The following DLG2 variants were observed in gnomAD, a reference collection of about 807,000 sequenced individuals.
DLG2 encodes discs large MAGUK scaffold protein 2.
Under a neutral mutation model 132.5 loss-of-function variants are expected in DLG2, and 45 were observed. The ratio of observed to expected loss-of-function variants is 0.34; its 90% CI spans 0.27 to 0.44. DLG2 has a LOEUF of 0.44. DLG2 is among the 20% of genes least tolerant of loss of function. DLG2 has a pLI of 1.00. For missense variants in DLG2, 1,045 were observed against 1,196.9 expected, an observed-to-expected ratio of 0.87 and a Z score of 1.87; for synonymous variants, 424 against 419.6, an observed-to-expected ratio of 1.01 and a Z score of -0.13.
chr11:83,663,845 T>C (rs999084854), intron 18 of DLG2, among the ~76,000 whole-genome samples: 3 of 152,188 alleles, frequency 2.0e-5, no homozygotes, highest in South Asian at 2.1e-4. Context: ...CCGAGGCAGA[T>C]AGAAATAAGA....
At chr11:85,183,880 G>A (rs1217816632) in intron 4 of DLG2, among the ~76,000 whole-genome samples, 1 of 151,904 alleles carries the variant, frequency 6.6e-6, no homozygotes, top group African/African-American at 2.4e-5. Flanking sequence ...AAAAAAGGAG[G>A]AGGCAATTAA....
At chr11:83,892,868 G>A (rs977500353) in intron 15 of DLG2, among the ~76,000 whole-genome samples, 1 of 151,972 alleles carries the variant, frequency 6.6e-6, no homozygotes, top group East Asian at 1.9e-4. Flanking sequence ...GTATGACAAA[G>A]GAAAAAATAA....
intron 15 of DLG2, among the ~76,000 whole-genome samples, chr11:83,890,549 C>T (rs986501172): frequency 6.6e-6 from 1 of 152,148 alleles, no homozygotes; most frequent in African/African-American, 2.4e-5. Flanking sequence ...AACCAATGGA[C>T]TTGGGTTAAG....
intron 6 of DLG2, among the ~76,000 whole-genome samples, chr11:84,810,436 G>C (rs1158765726): frequency 6.6e-6 from 1 of 152,094 alleles, no homozygotes; most frequent in Non-Finnish European, 1.5e-5. Flanking sequence ...TAAAATCACA[G>C]TGAGACATCA....
intron 4 of DLG2, among the ~76,000 whole-genome samples, chr11:85,274,564 A>G (rs559826292): frequency 2.9e-4 from 44 of 152,170 alleles, no homozygotes; most frequent in Non-Finnish European, 5.3e-4. Flanking sequence ...TACACACTGT[A>G]GGGTCTCAGA....
At chr11:84,568,788 A>G (rs1403697476) in intron 6 of DLG2, among the ~76,000 whole-genome samples, 1 of 152,222 alleles carries the variant, frequency 6.6e-6, no homozygotes, top group South Asian at 2.1e-4. Flanking sequence ...TGCAATTCAA[A>G]GAAGAGAAGA....
intron 18 of DLG2, among the ~76,000 whole-genome samples, chr11:83,753,422 C>T (rs2153740804): frequency 6.6e-6 from 1 of 152,056 alleles, no homozygotes; most frequent in East Asian, 1.9e-4. Context: ...GGCTCTCTCT[C>T]TCAAAAACAA....
chr11:84,584,924 G>A (rs1388657746), intron 6 of DLG2, among the ~76,000 whole-genome samples: 1 of 151,494 alleles, frequency 6.6e-6, no homozygotes, highest in Non-Finnish European at 1.5e-5. Flanking sequence ...TCCTGACCTC[G>A]TGATCCGCCC....
At chr11:84,615,114 G>A (rs1453360639) in intron 6 of DLG2, among the ~76,000 whole-genome samples, 1 of 152,082 alleles carries the variant, frequency 6.6e-6, no homozygotes, top group Non-Finnish European at 1.5e-5. Flanking sequence ...ACTACAAATG[G>A]TTGTGTATGA....
intron 18 of DLG2, among the ~76,000 whole-genome samples, chr11:83,662,331 A>C (rs1317874355): frequency 1.3e-5 from 2 of 152,224 alleles, no homozygotes; most frequent in African/African-American, 4.8e-5. Flanking sequence ...CTCTATCTGC[A>C]AAAAGCAAGC....
Position 84,972,671 on chromosome 11 carries a change from A to G in DLG2, c.357+138990T>C, listed in dbSNP as rs11234257. Among the ~76,000 whole-genome samples, 823 of 152,298 alleles carry G rather than the reference A, an allele frequency of 5.4e-3. 2 individuals are homozygous for G. Among genetic ancestry groups the G allele is most frequent in the Non-Finnish European group, 7.6e-3 (519 of 68,026 alleles). ...CCTCAGAAGACAACCTATTGCTTTT[A>G]ATGGGCCGCTCTGTCAAGTGTTCTC... is the stretch of plus-strand genomic sequence containing the variant. On this transcript the variant is annotated intron_variant, in intron 6 of 27. Transcript: ENST00000376104.
intron 21 of DLG2, among the ~76,000 whole-genome samples, chr11:83,526,406 A>T (rs2095611539): frequency 6.6e-6 from 1 of 152,116 alleles, no homozygotes; most frequent in South Asian, 2.1e-4. Flanking sequence ...TCTCTCAGAA[A>T]CCCACTTCTG....
intron 6 of DLG2, among the ~76,000 whole-genome samples, chr11:84,557,078 C>T (rs117439850): frequency 2.6e-3 from 401 of 152,200 alleles, no homozygotes; most frequent in Non-Finnish European, 4.6e-3. Flanking sequence ...ACTACATAGA[C>T]AGGTAATTGT....
chr11:85,280,408 A>G (rs1239052409), intron 4 of DLG2, among the ~76,000 whole-genome samples: 1 of 152,096 alleles, frequency 6.6e-6, no homozygotes, highest in African/African-American at 2.4e-5. Flanking sequence ...CCATGTAACT[A>G]GCAACTGGCA....
intron 3 of DLG2, among the ~76,000 whole-genome samples, chr11:85,412,760 CATATATAT>C (rs200280952): frequency 4.4e-5 from 5 of 113,244 alleles, no homozygotes; most frequent in African/African-American, 1.9e-4. Context: ...CACACACACA[CATATATAT>C]ATATATATAT....
intron 3 of DLG2, among the ~76,000 whole-genome samples, chr11:85,287,337 T>G (rs528421429): frequency 6.6e-6 from 1 of 151,582 alleles, no homozygotes; most frequent in East Asian, 1.9e-4. Flanking sequence ...ACAAGCAAAC[T>G]AAAAGAAAAG....
At chr11:84,665,432 A>C (rs1283739960) in intron 6 of DLG2, among the ~76,000 whole-genome samples, 1 of 152,074 alleles carries the variant, frequency 6.6e-6, no homozygotes, top group Non-Finnish European at 1.5e-5. Flanking sequence ...TATACCACCT[A>C]TCTATCTATC....
intron 5 of DLG2, among the ~76,000 whole-genome samples, chr11:85,113,696 T>G (rs2073122590): frequency 6.6e-6 from 1 of 152,022 alleles, no homozygotes. Context: ...AAAACTCACT[T>G]TAACACTTTA....
intron 6 of DLG2, among the ~76,000 whole-genome samples, chr11:84,613,797 A>G (rs2099599478): frequency 6.6e-6 from 1 of 152,152 alleles, no homozygotes; most frequent in African/African-American, 2.4e-5. Flanking sequence ...AAACCTTACA[A>G]TGGAGATTCC....
Sources: allele counts gnomAD v4.1 joint callset (sites outside exome capture counted in the v4.1 genomes callset), GRCh38; gene constraint gnomAD v4.1.1; transcripts MANE v1.5; gene names NCBI Gene and HGNC (gene_info 2026-07-23, HGNC 2026-07-21).